The following SEL1L2 variants were observed in gnomAD, a reference collection of about 807,000 sequenced individuals.
SEL1L2 encodes SEL1L2 adaptor subunit of SYVN1 ubiquitin ligase.
SEL1L2 carries 89 observed loss-of-function variants against 98.8 expected under a neutral mutation model. The observed-to-expected ratio is 0.90, with a 90% CI of 0.76 to 1.07. The LOEUF (loss-of-function observed/expected upper bound fraction) is 1.07. Among genes scored for constraint, SEL1L2 ranks in the 50% least tolerant of loss-of-function variants. SEL1L2 has a pLI of 0.00. For synonymous variants in SEL1L2, 262 were observed against 278.5 expected (o/e 0.94, Z 0.59); for missense variants, 788 against 812.0 (o/e 0.97, Z 0.36).
upstream of SEL1L2, among the ~76,000 whole-genome samples, chr20:13,992,062 G>A (rs1022996219): frequency 6.6e-6 from 1 of 152,134 alleles, no homozygotes; most frequent in Non-Finnish European, 1.5e-5. Flanking sequence ...GAGCAATGAA[G>A]GCATATAAGG....
chr20:13,982,722 T>C (rs2051900183), intron 1 of SEL1L2, among the ~76,000 whole-genome samples: 1 of 151,544 alleles, frequency 6.6e-6, no homozygotes, highest in South Asian at 2.1e-4. Context: ...TGATATATTT[T>C]ACACTACCTT....
chr20:13,856,332 G>C (rs1312225270), intron 18 of SEL1L2, among the ~76,000 whole-genome samples: 5 of 152,102 alleles, frequency 3.3e-5, no homozygotes, highest in Admixed American at 2.0e-4. Flanking sequence ...ATTTTGCCAT[G>C]TTAGCCTGGC....
At chr20:13,954,645 C>A (rs933439224) in intron 2 of SEL1L2, among the ~76,000 whole-genome samples, 2 of 152,030 alleles carry the variant, frequency 1.3e-5, no homozygotes, top group Admixed American at 1.3e-4. Context: ...GGGGCCTATT[C>A]CCATCTTTAC....
chr20:13,988,116 G>C (rs2052332125), intron 1 of SEL1L2, among the ~76,000 whole-genome samples: 2 of 152,100 alleles, frequency 1.3e-5, no homozygotes, highest in South Asian at 4.1e-4. Flanking sequence ...TATATGTGTA[G>C]GTCTCTGATC....
rs568049752 is a variant in SEL1L2, at chr20:13,964,446, C to CTTTTTTTTTTTTTTTT, written c.59-8316_59-8315insAAAAAAAAAAAAAAAA. Among the ~76,000 whole-genome samples the CTTTTTTTTTTTTTTTT allele has an allele frequency of 1.9e-5, 2 of 105,362 alleles. 1 individual carries two copies. Among genetic ancestry groups the CTTTTTTTTTTTTTTTT allele is most frequent in the Non-Finnish European group, 3.7e-5 (2 of 53,862 alleles). 69.1% of individuals were successfully genotyped at this position (105,362 alleles called of 152,430 possible). On this transcript the variant is annotated intron_variant, in intron 1 of 19. Coordinates refer to ENST00000284951, the MANE Select transcript of SEL1L2 (RefSeq NM_025229.2). ...TGTGCTCTGCTATCTGCTATCTCTTCATTTTTTTTTTTTTTTTTTTTCTGA... is the reference window on the plus strand; with the variant it reads ...TGTGCTCTGCTATCTGCTATCTCTTCTTTTTTTTTTTTTTTTATTTTTTTTTTTTTTTTTTTTCTGA...
chr20:13,851,102 T>C (rs1600433406), intron 18 of SEL1L2, among the ~76,000 whole-genome samples: 1 of 152,138 alleles, frequency 6.6e-6, no homozygotes, highest in South Asian at 2.1e-4. Flanking sequence ...TCAGGTGTGG[T>C]GGTGCATGCC....
chr20:13,901,552 C>CT (rs1174434597), intron 5 of SEL1L2, among the ~76,000 whole-genome samples: 7 of 151,838 alleles, frequency 4.6e-5, no homozygotes, highest in Non-Finnish European at 8.8e-5. Flanking sequence ...ACTAAGCTAT[C>CT]TTTTTGTCAT....
chr20:13,859,427 T>G lies in SEL1L2; in HGVS notation c.1653A>C (p.Ala551=). The G allele has an allele frequency of 6.2e-7, 1 of 1,612,456 alleles. No individual in the cohort carries two copies. Among genetic ancestry groups the G allele is most frequent in the South Asian group, 1.1e-5 (1 of 91,008 alleles). ...AATCTCCAATTTTTACTCTAGCAAA[T>G]GCATTGCCTGATAGAAATATTAGAG... is the stretch of plus-strand genomic sequence containing the variant. The part of the protein sequence containing the change: ...LWNRAAIQGN[A]FARVKIGDYH... Residue 551 remains alanine (A), a synonymous_variant, in exon 18 of 20, where the codon GCA becomes GCC. Transcript: ENST00000284951.
intron 5 of SEL1L2, among the ~76,000 whole-genome samples, chr20:13,900,166 T>G (rs547717902): frequency 1.3e-5 from 2 of 152,304 alleles, no homozygotes; most frequent in South Asian, 4.2e-4. Context: ...TAGTCAAGGC[T>G]CCTACCACAC....
chr20:13,872,825 T>C (rs909987106), intron 12 of SEL1L2, among the ~76,000 whole-genome samples: 2 of 151,990 alleles, frequency 1.3e-5, no homozygotes, highest in African/African-American at 2.4e-5. Context: ...ATGCCGGTGA[T>C]ATAAGAAATA....
intron 2 of SEL1L2, among the ~76,000 whole-genome samples, chr20:13,947,695 A>G (rs1029071729): frequency 3.3e-5 from 5 of 152,236 alleles, no homozygotes; most frequent in African/African-American, 1.2e-4. Context: ...TCCCTGAGCC[A>G]GGGCTGTGAC....
intron 1 of SEL1L2, among the ~76,000 whole-genome samples, chr20:13,959,235 G>T (rs570865878): frequency 6.6e-6 from 1 of 152,188 alleles, no homozygotes; most frequent in Admixed American, 6.5e-5. Context: ...ATTGTGATGG[G>T]CAACGAAAAG....
At chr20:13,920,243 A>G (rs2048597573) in intron 3 of SEL1L2, among the ~76,000 whole-genome samples, 1 of 151,540 alleles carries the variant, frequency 6.6e-6, no homozygotes. Flanking sequence ...AAAAAAAAAA[A>G]AAAAATTCTA....
At chr20:13,887,471 A>T (rs1421313715) in intron 8 of SEL1L2, among the ~76,000 whole-genome samples, 1 of 152,188 alleles carries the variant, frequency 6.6e-6, no homozygotes, top group African/African-American at 2.4e-5. Context: ...CTTAATATTT[A>T]TCGGTGCTAC....
chr20:13,918,956 T>G, intron 4 of SEL1L2, 65 bp downstream of exon 4: 1 of 1,074,442 alleles, frequency 9.3e-7, no homozygotes, highest in Non-Finnish European at 1.4e-6. Context: ...AAACTACATT[T>G]GGGATTTTTC....
intron 18 of SEL1L2, among the ~76,000 whole-genome samples, chr20:13,852,155 G>A (rs1380967750): frequency 6.6e-6 from 1 of 152,140 alleles, no homozygotes; most frequent in Non-Finnish European, 1.5e-5. Context: ...TGGGACATTC[G>A]GGGAAAATCT....
intron 18 of SEL1L2, 26 bp downstream of exon 18, chr20:13,859,236 G>A (rs1035564907): frequency 1.2e-6 from 2 of 1,602,460 alleles, no homozygotes; most frequent in Admixed American, 1.7e-5. Flanking sequence ...TCATTACTAG[G>A]TTTGAATTAT....
intron 5 of SEL1L2, 49 bp from the exon 6 acceptor site, chr20:13,888,561 A>G (rs1268610293): frequency 1.0e-6 from 1 of 961,278 alleles, no homozygotes; most frequent in East Asian, 2.6e-5. Context: ...TTTATTTCCT[A>G]ATTATCTATA....
At chr20:13,859,837 T>C (rs1989806254) in intron 17 of SEL1L2, among the ~76,000 whole-genome samples, 1 of 152,130 alleles carries the variant, frequency 6.6e-6, no homozygotes, top group South Asian at 2.1e-4. Flanking sequence ...GTAGCTGGGA[T>C]TCCAGGCGCC....
Sources: allele counts gnomAD v4.1 joint callset (sites outside exome capture counted in the v4.1 genomes callset), GRCh38; gene constraint gnomAD v4.1.1; transcripts MANE v1.5; gene names NCBI Gene and HGNC (gene_info 2026-07-23, HGNC 2026-07-21).